Variants in FERMT2 observed in about 807,000 individuals in gnomAD.
The protein encoded by FERMT2 is fermitin family homolog 2.
Under a neutral mutation model 82.7 loss-of-function variants are expected in FERMT2, and 15 were observed. That is an observed-to-expected ratio of 0.18 (90% CI 0.12 to 0.28). The LOEUF is 0.28. FERMT2 is among the 10% of genes least tolerant of loss of function. FERMT2 has a pLI of 1.00. For missense variants in FERMT2, 645 were observed against 809.4 expected, an observed-to-expected ratio of 0.80 and a Z score of 2.46; for synonymous variants, 274 against 271.5, an observed-to-expected ratio of 1.01 and a Z score of -0.09.
At chr14:52,939,814 G>T (rs1890013183) in intron 2 of FERMT2, among the ~76,000 whole-genome samples, 1 of 152,098 alleles carries the variant, frequency 6.6e-6, no homozygotes. Flanking sequence ...CTTTTTTCAA[G>T]TTATTTTTAA....
At chr14:52,934,209 T>A (rs374359620) in intron 2 of FERMT2, among the ~76,000 whole-genome samples, 6 of 152,132 alleles carry the variant, frequency 3.9e-5, no homozygotes, top group African/African-American at 1.4e-4. Flanking sequence ...TAATAATCAA[T>A]TGAAAAATTA....
chr14:52,900,577 A>ACT (rs1489488974), intron 3 of FERMT2, among the ~76,000 whole-genome samples: 10 of 152,214 alleles, frequency 6.6e-5, no homozygotes, highest in African/African-American at 2.4e-4. Context: ...AAATCTCAGA[A>ACT]AAGTTTTGGG....
chr14:52,916,083 C>T (rs1888596428), intron 3 of FERMT2, among the ~76,000 whole-genome samples: 2 of 152,146 alleles, frequency 1.3e-5, no homozygotes, highest in Admixed American at 1.3e-4. Context: ...GTGGTTCACA[C>T]CTGTAATCCC....
rs374451584 is a variant in FERMT2, at chr14:52,866,005, C to T, written c.1274-1152G>A. Among the ~76,000 whole-genome samples, 39 of 152,204 alleles carry T rather than the reference C, an allele frequency of 2.6e-4. No individual in the cohort carries two copies. In the East Asian group the frequency reaches 3.3e-3, roughly 13 times the overall value. On this transcript the variant is annotated intron_variant, in intron 10 of 14. Transcript: ENST00000341590. ...TTTAGAATGATGAGAACATGTGTGACGAACTGTTTAATGTGCAAAGTTGAA... is the reference window on the plus strand; with the variant it reads ...TTTAGAATGATGAGAACATGTGTGATGAACTGTTTAATGTGCAAAGTTGAA...
chr14:52,919,670 G>C (rs1490469882), intron 2 of FERMT2, among the ~76,000 whole-genome samples: 2 of 152,194 alleles, frequency 1.3e-5, no homozygotes, highest in South Asian at 4.1e-4. Context: ...GGCTAGAATA[G>C]GAAGGATTAA....
intron 2 of FERMT2, among the ~76,000 whole-genome samples, chr14:52,935,421 T>A (rs978996369): frequency 2.0e-5 from 3 of 152,172 alleles, no homozygotes; most frequent in African/African-American, 7.2e-5. Flanking sequence ...ATCCCCAATA[T>A]GATGGTATCT....
chr14:52,891,491 T>C (rs144972202), intron 4 of FERMT2, among the ~76,000 whole-genome samples: 4 of 152,302 alleles, frequency 2.6e-5, no homozygotes, highest in African/African-American at 7.2e-5. Context: ...CTTGTGACCT[T>C]AGAAGACTTT....
At chr14:52,907,845 A>C (rs1888105830) in intron 3 of FERMT2, among the ~76,000 whole-genome samples, 1 of 152,180 alleles carries the variant, frequency 6.6e-6, no homozygotes, top group African/African-American at 2.4e-5. Context: ...AAATGGGACA[A>C]CAGAGTTCAT....
intron 4 of FERMT2, among the ~76,000 whole-genome samples, chr14:52,886,961 T>A (rs989067357): frequency 7.9e-5 from 12 of 152,190 alleles, no homozygotes; most frequent in African/African-American, 2.9e-4. Flanking sequence ...GGTCCATCAG[T>A]ATGTATCATC....
chr14:52,876,526 T>C (rs189690431), intron 7 of FERMT2, among the ~76,000 whole-genome samples: 18 of 152,306 alleles, frequency 1.2e-4, no homozygotes, highest in African/African-American at 4.1e-4. Flanking sequence ...TTATGAGTCA[T>C]ACCGGAGAAA....
In FERMT2 at chr14:52,950,584, G is replaced by A. The variant is rs747105716; in HGVS notation, c.-9-7C>T. 8 of 1,610,332 alleles carry A rather than the reference G, an allele frequency of 5.0e-6. No individual in the cohort carries two copies. In the Admixed American group the frequency reaches 8.4e-5, roughly 17 times the overall value. On this transcript the variant is annotated splice_region_variant and splice_polypyrimidine_tract_variant and intron_variant, in intron 1 of 14. Coordinates refer to ENST00000341590, the MANE Select transcript of FERMT2 (RefSeq NM_006832.3). ...CCAGAGCCATGGCTCCTTCCTGCGA[G>A]CGCGGAGGAAATGGCTCTCGTAAGC...
intron 14 of FERMT2, 154 bp from the exon 15 acceptor site, chr14:52,858,704 T>TAAGTC: frequency 1.6e-6 from 1 of 616,096 alleles, no homozygotes; most frequent in Non-Finnish European, 2.7e-6. Context: ...ATAATGCCTT[T>TAAGTC]AAGTCCCAAA....
chr14:52,902,351 C>T (rs1037483437), intron 3 of FERMT2, among the ~76,000 whole-genome samples: 1 of 151,696 alleles, frequency 6.6e-6, no homozygotes, highest in Non-Finnish European at 1.5e-5. Flanking sequence ...CGAGATTGCA[C>T]CATTGCACTT....
At chr14:52,945,687 A>C (rs961578208) in intron 2 of FERMT2, among the ~76,000 whole-genome samples, 37 of 152,284 alleles carry the variant, frequency 2.4e-4, no homozygotes, top group African/African-American at 8.7e-4. Flanking sequence ...CTACTCATAG[A>C]ATCAGAGCTA....
At chr14:52,938,589 C>CA (rs1347244825) in intron 2 of FERMT2, among the ~76,000 whole-genome samples, 5 of 151,906 alleles carry the variant, frequency 3.3e-5, no homozygotes, top group Non-Finnish European at 7.4e-5. Context: ...TTTTTTGAGA[C>CA]ACAGTCTCAC....
chr14:52,882,973 G>C (rs1438494323), intron 4 of FERMT2, among the ~76,000 whole-genome samples: 2 of 152,046 alleles, frequency 1.3e-5, no homozygotes, highest in Non-Finnish European at 2.9e-5. Flanking sequence ...TGAGGCGGTT[G>C]AATCACTTGA....
At chr14:52,893,509 A>AG in intron 3 of FERMT2, 82 bp from the exon 4 acceptor site, 1 of 1,092,894 alleles carries the variant, frequency 9.2e-7, no homozygotes, top group Non-Finnish European at 1.3e-6. Context: ...TTTCAAGATA[A>AG]GAATGTGTAA....
intron 2 of FERMT2, among the ~76,000 whole-genome samples, chr14:52,945,382 G>C (rs1215961930): frequency 6.6e-6 from 1 of 151,730 alleles, no homozygotes. Flanking sequence ...TGAGTAGCTG[G>C]GATTACAGGC....
At chr14:52,928,961 C>T (rs1004518026) in intron 2 of FERMT2, among the ~76,000 whole-genome samples, 2 of 152,136 alleles carry the variant, frequency 1.3e-5, no homozygotes, top group Admixed American at 1.3e-4. Context: ...ATTGGCTCTC[C>T]AGGTGTCTCA....
Sources: gnomAD v4.1 joint callset for allele counts (sites outside exome capture counted in the v4.1 genomes callset) on GRCh38, gnomAD v4.1.1 for gene constraint, MANE v1.5 for transcripts, NCBI Gene and HGNC (gene_info 2026-07-23, HGNC 2026-07-21) for gene names.